Variants in TRAPPC9 observed in about 807,000 individuals in gnomAD.
TRAPPC9 encodes the protein IKK2 binding protein.
Under a neutral mutation model 124.0 loss-of-function variants are expected in TRAPPC9, and 83 were observed. That is an observed-to-expected ratio of 0.67 (90% CI 0.56 to 0.80). TRAPPC9 has a LOEUF of 0.80. Ranked by LOEUF, TRAPPC9 falls within the 30% of genes least tolerant of loss-of-function variation. The pLI, the probability that TRAPPC9 is intolerant of heterozygous loss-of-function variation, is 0.00. For missense variants in TRAPPC9, 1,302 were observed against 1,508.3 expected (o/e 0.86, Z 2.27); for synonymous variants, 638 against 617.5 (o/e 1.03, Z -0.49).
intron 17 of TRAPPC9, among the ~76,000 whole-genome samples, chr8:140,166,837 T>A (rs1042288751): frequency 1.3e-5 from 2 of 152,196 alleles, no homozygotes; most frequent in Admixed American, 6.5e-5. Context: ...AGTTGCCACA[T>A]CTGAAGCCCT....
intron 15 of TRAPPC9, among the ~76,000 whole-genome samples, chr8:140,266,042 CTG>C (rs2131579825): frequency 6.6e-6 from 1 of 152,312 alleles, no homozygotes; most frequent in Non-Finnish European, 1.5e-5. Context: ...ATACACATAT[CTG>C]TGAACATTTC....
chr8:139,789,947 C>T (rs924836064), intron 21 of TRAPPC9, among the ~76,000 whole-genome samples: 2 of 152,136 alleles, frequency 1.3e-5, no homozygotes, highest in Admixed American at 6.5e-5. Context: ...GCTCCCGTCC[C>T]GGTGCGTCCC....
chr8:140,426,251 A>G (rs1478002033), intron 5 of TRAPPC9, among the ~76,000 whole-genome samples: 1 of 152,216 alleles, frequency 6.6e-6, no homozygotes, highest in Non-Finnish European at 1.5e-5. Flanking sequence ...TAGAGAATTA[A>G]CTCACGTGGA....
chr8:139,864,798 G>C (rs1483012474), intron 21 of TRAPPC9, among the ~76,000 whole-genome samples: 3 of 152,192 alleles, frequency 2.0e-5, no homozygotes, highest in Non-Finnish European at 4.4e-5. Flanking sequence ...CTTGGACCCA[G>C]ACTGGCTCAT....
chr8:140,256,073 T>C (rs551271234), intron 15 of TRAPPC9, among the ~76,000 whole-genome samples: 1 of 152,258 alleles, frequency 6.6e-6, no homozygotes, highest in South Asian at 2.1e-4. Flanking sequence ...AGGATAAAAA[T>C]CTAAACACTT....
At chr8:140,149,372 C>G (rs1292714194) in intron 17 of TRAPPC9, among the ~76,000 whole-genome samples, 1 of 152,172 alleles carries the variant, frequency 6.6e-6, no homozygotes. Flanking sequence ...GTAATCCCAG[C>G]ACTTTGGGAG....
intron 17 of TRAPPC9, among the ~76,000 whole-genome samples, chr8:140,129,307 A>G (rs1294154330): frequency 6.6e-6 from 1 of 152,022 alleles, no homozygotes; most frequent in African/African-American, 2.4e-5. Flanking sequence ...CCGACTGAGG[A>G]GGATGCCCAG....
chr8:139,991,583 GGTTT>G (rs1837647541), intron 18 of TRAPPC9, among the ~76,000 whole-genome samples: 1 of 140,096 alleles, frequency 7.1e-6, no homozygotes, highest in African/African-American at 2.5e-5. Flanking sequence ...TTGCTTTTTG[GGTTT>G]GTTTTTTTTT....
chr8:139,801,831 G>A (rs187447859), intron 21 of TRAPPC9, among the ~76,000 whole-genome samples: 231 of 152,310 alleles, frequency 1.5e-3, no homozygotes, highest in African/African-American at 5.4e-3. Flanking sequence ...GATTTGCGGA[G>A]CATGCAAACC....
intron 17 of TRAPPC9, among the ~76,000 whole-genome samples, chr8:140,193,456 G>A (rs1336586506): frequency 6.6e-6 from 1 of 152,048 alleles, no homozygotes; most frequent in Non-Finnish European, 1.5e-5. Flanking sequence ...CTGAATGTAA[G>A]TCTTGGATAT....
intron 19 of TRAPPC9, among the ~76,000 whole-genome samples, chr8:139,914,481 C>T (rs1474129605): frequency 2.0e-5 from 3 of 152,200 alleles, no homozygotes; most frequent in South Asian, 2.1e-4. Flanking sequence ...AGCAGCGCAG[C>T]GGGAGATGGC....
chr8:140,275,797 A>C lies in TRAPPC9; in HGVS notation c.2139T>G (p.Ser713=), dbSNP rs756191679. The C allele has an allele frequency of 6.2e-7, 1 of 1,613,686 alleles. No homozygotes were observed. The highest frequency in any genetic ancestry group is 2.2e-5 in the East Asian group (1 of 44,874). Residue 713 remains serine (S), a synonymous_variant, in exon 15 of 23, where the codon TCT becomes TCG. Coordinates refer to ENST00000438773, the MANE Select transcript of TRAPPC9 (RefSeq NM_001160372.4). The part of the protein sequence containing the change: ...LPRSAHSLQP[S]SGDEISTNVS... ...CATTAGTAGATATTTCATCACCAGA[A>C]GAAGGTTGCAATGAATGTGCAGATC...
At position 139,742,241 on chromosome 8, in the gene TRAPPC9, C is replaced by T. The variant is rs536975976; in HGVS notation, c.3056-10039G>A. Among the ~76,000 whole-genome samples, 4 of 152,350 alleles carry T rather than the reference C, an allele frequency of 2.6e-5. No homozygotes were observed. The highest frequency in any genetic ancestry group is 7.2e-5 in the African/African-American group (3 of 41,588). On this transcript the variant is annotated intron_variant, in intron 21 of 22. Coordinates refer to ENST00000438773, the MANE Select transcript of TRAPPC9 (RefSeq NM_001160372.4). The surrounding 1 kb of genome is among the most constrained non-coding windows in gnomAD (Gnocchi z 4.7). ...AAGTAGCATCTTGCTGCGGTTCTCA[C>T]GTGCGTTCTCCCGATCTACCCCCAA...
At chr8:140,015,648 T>A (rs1260777014) in intron 18 of TRAPPC9, among the ~76,000 whole-genome samples, 3 of 148,868 alleles carry the variant, frequency 2.0e-5, no homozygotes, top group African/African-American at 2.5e-5. Context: ...ACAATAAAAA[T>A]AAAAAAAAAA....
intron 9 of TRAPPC9, 73 bp from the exon 10 acceptor site, chr8:140,311,447 G>A (rs2066296430): frequency 1.3e-6 from 2 of 1,578,614 alleles, no homozygotes; most frequent in African/African-American, 1.3e-5. Flanking sequence ...ATTTTACTTG[G>A]GGCATTTCAT....
intron 17 of TRAPPC9, among the ~76,000 whole-genome samples, chr8:140,189,816 A>G (rs778309489): frequency 1.3e-5 from 2 of 152,088 alleles, no homozygotes; most frequent in South Asian, 2.1e-4. Context: ...TCTGGTTTTC[A>G]GCTCTCTCTA....
intron 11 of TRAPPC9, among the ~76,000 whole-genome samples, chr8:140,299,454 T>G (rs1323706389): frequency 1.3e-5 from 2 of 151,586 alleles, no homozygotes; most frequent in Non-Finnish European, 2.9e-5. Flanking sequence ...GAATTAAGAG[T>G]AGAAATAAAG....
chr8:140,304,469 T>C (rs928475968), intron 10 of TRAPPC9, among the ~76,000 whole-genome samples: 1 of 152,120 alleles, frequency 6.6e-6, no homozygotes, highest in African/African-American at 2.4e-5. Flanking sequence ...GGTTGATATA[T>C]GAAGACAGTC....
intron 21 of TRAPPC9, among the ~76,000 whole-genome samples, chr8:139,800,033 G>A (rs370587845): frequency 1.3e-5 from 2 of 152,224 alleles, no homozygotes; most frequent in Non-Finnish European, 2.9e-5. Context: ...TTCCACAGAC[G>A]CATGGAAGGC....
Sources: allele counts gnomAD v4.1 joint callset (sites outside exome capture counted in the v4.1 genomes callset), GRCh38; gene constraint gnomAD v4.1.1; non-coding constraint Gnocchi (gnomAD v3.1); transcripts MANE v1.5; gene names NCBI Gene and HGNC (gene_info 2026-07-23, HGNC 2026-07-21).